The following RBMS3 variants were observed in gnomAD, a reference collection of about 807,000 sequenced individuals.
RBMS3 encodes the protein RNA-binding motif, single-stranded-interacting protein 3.
A neutral mutation model predicts 66.8 loss-of-function variants in RBMS3; 27 were observed. The observed-to-expected ratio is 0.40, with a 90% confidence interval of 0.30 to 0.56. RBMS3 has a LOEUF of 0.56. Among genes scored for constraint, RBMS3 ranks in the 20% least tolerant of loss-of-function variants. RBMS3 has a pLI of 0.40. For missense variants in RBMS3, 513 were observed against 549.5 expected (o/e 0.93, Z 0.66); for synonymous variants, 188 against 183.0 (o/e 1.03, Z -0.22).
chr3:29,709,329 TC>T lies in RBMS3; in HGVS notation c.400-30390del, dbSNP rs147389636. On this transcript the variant is annotated intron_variant, in intron 4 of 14. Coordinates refer to ENST00000383767, the MANE Select transcript of RBMS3 (RefSeq NM_001003793.3). ...GCTCTTGTTAGCAATGCCAGCAACT[TC>T]ACGGCTGACATTAAAAGTGCAGAAA... Among the ~76,000 whole-genome samples, 153 of 152,338 alleles carry T rather than the reference TC, an allele frequency of 1.0e-3. 3 individuals are homozygous for T. The East Asian group carries it at 0.027, about 27-fold the overall frequency.
chr3:29,922,517 A>G (rs896489937), intron 10 of RBMS3, among the ~76,000 whole-genome samples: 3 of 151,840 alleles, frequency 2.0e-5, no homozygotes, highest in Non-Finnish European at 2.9e-5. Context: ...AAAAAAAAGA[A>G]AAAAGATAGA....
intron 1 of RBMS3, among the ~76,000 whole-genome samples, chr3:29,375,685 A>T (rs910405049): frequency 6.6e-6 from 1 of 152,222 alleles, no homozygotes; most frequent in Non-Finnish European, 1.5e-5. Flanking sequence ...GGTTATTATT[A>T]AAAAGTCAAT....
chr3:29,409,672 A>G (rs146588558), intron 1 of RBMS3, among the ~76,000 whole-genome samples: 3 of 152,194 alleles, frequency 2.0e-5, no homozygotes, highest in East Asian at 3.9e-4. Context: ...ACTCGTGACT[A>G]TCTTTTGGTT....
chr3:29,582,207 T>C (rs1391925742), intron 3 of RBMS3, among the ~76,000 whole-genome samples: 1 of 150,448 alleles, frequency 6.6e-6, no homozygotes, highest in East Asian at 1.9e-4. Context: ...CACACACACA[T>C]ACATACAGTT....
intron 4 of RBMS3, among the ~76,000 whole-genome samples, chr3:29,713,290 A>C (rs1376114112): frequency 6.6e-6 from 1 of 152,052 alleles, no homozygotes; most frequent in Non-Finnish European, 1.5e-5. Flanking sequence ...TTCCCATATA[A>C]GGATGATTAA....
At chr3:29,457,277 T>C (rs1039519797) in intron 2 of RBMS3, among the ~76,000 whole-genome samples, 1 of 152,322 alleles carries the variant, frequency 6.6e-6, no homozygotes, top group South Asian at 2.1e-4. Flanking sequence ...TACCTCCACC[T>C]AGGTCTCTGC....
intron 6 of RBMS3, among the ~76,000 whole-genome samples, chr3:29,776,067 T>A (rs1401407865): frequency 6.6e-6 from 1 of 152,140 alleles, no homozygotes; most frequent in East Asian, 1.9e-4. Flanking sequence ...ACTCAATATT[T>A]GCTTACATCA....
At chr3:29,832,973 A>G (rs1331866277) in intron 6 of RBMS3, among the ~76,000 whole-genome samples, 1 of 152,172 alleles carries the variant, frequency 6.6e-6, no homozygotes, top group Non-Finnish European at 1.5e-5. Context: ...AAGGCATATG[A>G]ACTTGAGCAT....
intron 4 of RBMS3, among the ~76,000 whole-genome samples, chr3:29,739,305 A>T (rs1234710821): frequency 3.3e-5 from 5 of 151,920 alleles, no homozygotes; most frequent in African/African-American, 1.2e-4. Flanking sequence ...AAATACAAAA[A>T]ATTAGCTGGG....
chr3:29,369,229 G>A (rs1232614184), intron 1 of RBMS3, among the ~76,000 whole-genome samples: 1 of 151,752 alleles, frequency 6.6e-6, no homozygotes, highest in South Asian at 2.1e-4. Context: ...TTAACACCTG[G>A]GTGATGAAAT....
intron 1 of RBMS3, among the ~76,000 whole-genome samples, chr3:29,422,317 A>G (rs1470101017): frequency 1.3e-5 from 2 of 151,838 alleles, no homozygotes; most frequent in Non-Finnish European, 2.9e-5. Flanking sequence ...AAAAAGGACA[A>G]TAGCAATTTG....
intron 10 of RBMS3, among the ~76,000 whole-genome samples, chr3:29,901,713 A>G (rs1393618796): frequency 6.6e-6 from 1 of 151,802 alleles, no homozygotes; most frequent in Non-Finnish European, 1.5e-5. Flanking sequence ...CTGATATCGT[A>G]TCACCTCCCA....
At chr3:29,378,503 A>C (rs912431027) in intron 1 of RBMS3, among the ~76,000 whole-genome samples, 33 of 151,300 alleles carry the variant, frequency 2.2e-4, no homozygotes, top group African/African-American at 7.5e-4. Context: ...AAAAAACAAA[A>C]AACAACTGTC....
intron 10 of RBMS3, among the ~76,000 whole-genome samples, chr3:29,926,535 A>G (rs1378030945): frequency 6.6e-6 from 1 of 152,168 alleles, no homozygotes; most frequent in East Asian, 1.9e-4. Context: ...TTGAGCAATG[A>G]TTTTCCAGGC....
intron 1 of RBMS3, among the ~76,000 whole-genome samples, chr3:29,391,819 A>G (rs1280313074): frequency 6.6e-6 from 1 of 152,214 alleles, no homozygotes; most frequent in Non-Finnish European, 1.5e-5. Context: ...ATTATATAAA[A>G]ATATGATTAT....
At chr3:29,963,937 C>T (rs1002787057) in intron 12 of RBMS3, among the ~76,000 whole-genome samples, 7 of 151,490 alleles carry the variant, frequency 4.6e-5, no homozygotes, top group African/African-American at 1.7e-4. Flanking sequence ...CCAAGAAAAA[C>T]TGAAAACCTA....
intron 14 of RBMS3, among the ~76,000 whole-genome samples, chr3:29,996,831 G>A (rs1699274310): frequency 6.6e-6 from 1 of 152,034 alleles, no homozygotes; most frequent in African/African-American, 2.4e-5. Context: ...ATCTAAAATT[G>A]ACACCCTAAT....
chr3:29,942,214 C>G (rs2061408663), intron 11 of RBMS3, among the ~76,000 whole-genome samples: 1 of 151,448 alleles, frequency 6.6e-6, no homozygotes. Flanking sequence ...TTTATAATGT[C>G]AAATTTGAAA....
intron 3 of RBMS3, among the ~76,000 whole-genome samples, chr3:29,522,570 G>C (rs1336398696): frequency 6.6e-6 from 1 of 152,154 alleles, no homozygotes; most frequent in Non-Finnish European, 1.5e-5. Flanking sequence ...CTAGAGGATT[G>C]TGGCAGGAGA....
Sources: gnomAD v4.1 joint callset for allele counts (sites outside exome capture counted in the v4.1 genomes callset) on GRCh38, gnomAD v4.1.1 for gene constraint, MANE v1.5 for transcripts, NCBI Gene and HGNC (gene_info 2026-07-23, HGNC 2026-07-21) for gene names.